FAM163A: variants seen among roughly 807,000 people sequenced by gnomAD.
FAM163A encodes the protein family with sequence similarity 163 member A.
In FAM163A, 7 loss-of-function variants were observed where a neutral mutation model predicts 12.0. The observed-to-expected ratio is 0.58, with a 90% CI of 0.33 to 1.10. The LOEUF is 1.10. FAM163A is among the 50% of genes least tolerant of loss of function. The probability of loss-of-function intolerance (pLI) is 0.03; values close to 1 mark genes in which losing one functional copy is unlikely to be tolerated. For synonymous variants in FAM163A, 101 were observed against 91.0 expected, an observed-to-expected ratio of 1.11 and a Z score of -0.62; for missense variants, 202 against 218.6, an observed-to-expected ratio of 0.92 and a Z score of 0.48.
At chr1:179,735,839 TG>T in the FAM163A span, among the ~76,000 whole-genome samples, 1 of 152,118 alleles carries the variant, frequency 6.6e-6, no homozygotes, top group African/African-American at 2.4e-5. Flanking sequence ...GGATGGGAAG[TG>T]GAGCAGCACT....
At chr1:179,771,197 G>A (rs746107435) in intron 1 of FAM163A, among the ~76,000 whole-genome samples, 18 of 152,100 alleles carry the variant, frequency 1.2e-4, no homozygotes, top group Non-Finnish European at 2.2e-4. Flanking sequence ...CTGCCCAGCC[G>A]TCCACAGCTT....
intron 1 of FAM163A, among the ~76,000 whole-genome samples, chr1:179,779,675 G>A (rs997818437): frequency 1.3e-5 from 2 of 152,128 alleles, no homozygotes; most frequent in South Asian, 2.1e-4. Flanking sequence ...CCTGTTTATC[G>A]GCTCATATGG....
In FAM163A at chr1:179,814,242, C is replaced by T. The variant is rs934663379; in HGVS notation, c.*53C>T. The T allele has an allele frequency of 3.9e-4, 599 of 1,533,694 alleles. 4 individuals carry two copies. The highest frequency in any genetic ancestry group is 7.8e-5 in the Non-Finnish European group (89 of 1,140,886). ...CCCACACTGCTGCCCTGGCGGGGGC[C>T]ATGGGGGTGATGAATGACCCTCCAA... On this transcript the variant is annotated 3_prime_UTR_variant, in exon 5 of 5. Transcript: ENST00000341785.
intron 1 of FAM163A, among the ~76,000 whole-genome samples, chr1:179,751,264 G>C (rs1423415124): frequency 6.6e-6 from 1 of 152,022 alleles, no homozygotes; most frequent in Non-Finnish European, 1.5e-5. Context: ...AGAAGGCTTG[G>C]AATTAAACCT....
chr1:179,731,617 CTAAA>C, the FAM163A span, among the ~76,000 whole-genome samples: 2 of 152,152 alleles, frequency 1.3e-5, no homozygotes, highest in Non-Finnish European at 2.9e-5. Context: ...CCACCTTGAG[CTAAA>C]TAAATAATGC....
chr1:179,760,236 G>T (rs1289424456), intron 1 of FAM163A, among the ~76,000 whole-genome samples: 2 of 152,092 alleles, frequency 1.3e-5, no homozygotes, highest in Non-Finnish European at 2.9e-5. Context: ...CATGCCCAGG[G>T]GTTGGAAGTA....
At chr1:179,783,427 T>A (rs558984897) in intron 1 of FAM163A, among the ~76,000 whole-genome samples, 4 of 152,218 alleles carry the variant, frequency 2.6e-5, no homozygotes, top group Admixed American at 1.3e-4. Context: ...TTTGGGAAAA[T>A]AGTTTGACAA....
At chr1:179,797,289 A>C (rs1238770795) in intron 1 of FAM163A, among the ~76,000 whole-genome samples, 1 of 152,198 alleles carries the variant, frequency 6.6e-6, no homozygotes, top group Non-Finnish European at 1.5e-5. Context: ...TCTACTAAAA[A>C]TACAAAAAAT....
chr1:179,773,858 T>A (rs1466846373), intron 1 of FAM163A, among the ~76,000 whole-genome samples: 1 of 152,188 alleles, frequency 6.6e-6, no homozygotes, highest in Non-Finnish European at 1.5e-5. Flanking sequence ...TTCAGAAGCC[T>A]CCGTTCTGAG....
At chr1:179,784,989 A>G (rs1053978837) in intron 1 of FAM163A, among the ~76,000 whole-genome samples, 5 of 152,216 alleles carry the variant, frequency 3.3e-5, no homozygotes, top group African/African-American at 9.7e-5. Flanking sequence ...GAATTTGGCC[A>G]TGGACGTCAC....
intron 1 of FAM163A, among the ~76,000 whole-genome samples, chr1:179,744,139 C>T (rs1247131174): frequency 6.6e-6 from 1 of 152,168 alleles, no homozygotes; most frequent in Non-Finnish European, 1.5e-5. Flanking sequence ...CTGTGGGAGC[C>T]GGCGTCTCGG....
intron 1 of FAM163A, among the ~76,000 whole-genome samples, chr1:179,807,434 A>G (rs1319828492): frequency 6.6e-6 from 1 of 152,170 alleles, no homozygotes; most frequent in East Asian, 1.9e-4. Flanking sequence ...GGACACATCC[A>G]CTGAGCACAG....
chr1:179,740,470 A>C (rs1683502825), upstream of FAM163A, among the ~76,000 whole-genome samples: 1 of 152,148 alleles, frequency 6.6e-6, no homozygotes, highest in Non-Finnish European at 1.5e-5. Flanking sequence ...ACTGGGGAAA[A>C]AACCCTAAAT....
intron 1 of FAM163A, among the ~76,000 whole-genome samples, chr1:179,746,700 C>T (rs938389635): frequency 2.0e-5 from 3 of 152,160 alleles, no homozygotes; most frequent in South Asian, 2.1e-4. Context: ...TCTCTTTGTC[C>T]GTCCTGTGCC....
At chr1:179,749,238 G>C (rs1255643257) in intron 1 of FAM163A, among the ~76,000 whole-genome samples, 1 of 152,114 alleles carries the variant, frequency 6.6e-6, no homozygotes, top group African/African-American at 2.4e-5. Flanking sequence ...TGGAGAGAGA[G>C]AAAAAAGGAA....
chr1:179,813,035 G>T (rs1236693706), intron 3 of FAM163A, 41 bp from the exon 4 acceptor site: 2 of 1,530,774 alleles, frequency 1.3e-6, no homozygotes, highest in African/African-American at 2.8e-5. Flanking sequence ...GCCCAGGGCT[G>T]CAGCCACAGC....
chr1:179,758,754 C>A (rs1180674367), intron 1 of FAM163A, among the ~76,000 whole-genome samples: 1 of 152,204 alleles, frequency 6.6e-6, no homozygotes, highest in Non-Finnish European at 1.5e-5. Context: ...TGGTAAATAA[C>A]TACTTCCTGG....
chr1:179,759,466 G>T (rs2454198), intron 1 of FAM163A, among the ~76,000 whole-genome samples: 114,528 of 152,042 alleles, frequency 0.75, 43,548 homozygotes, highest in East Asian at 1. Flanking sequence ...GTGGATGAAG[G>T]GACACTTAAT....
chr1:179,739,698 A>G (rs1331809509), upstream of FAM163A, among the ~76,000 whole-genome samples: 1 of 152,240 alleles, frequency 6.6e-6, no homozygotes, highest in Non-Finnish European at 1.5e-5. Flanking sequence ...ACAGTCAAAA[A>G]GACAAAACAA....
Sources: gnomAD v4.1 joint callset for allele counts (sites outside exome capture counted in the v4.1 genomes callset) on GRCh38, gnomAD v4.1.1 for gene constraint, MANE v1.5 for transcripts, NCBI Gene and HGNC (gene_info 2026-07-23, HGNC 2026-07-21) for gene names.